CEP78: variants seen among roughly 807,000 people sequenced by gnomAD.
CEP78 encodes centrosomal protein 78, also known as centrosomal protein of 78 kDa.
CEP78 carries 76 observed loss-of-function variants against 81.2 expected under a neutral mutation model. The ratio of observed to expected loss-of-function variants is 0.94; its 90% CI spans 0.78 to 1.13. The LOEUF is 1.13. Ranked by LOEUF, CEP78 falls within the 50% of genes most tolerant of loss-of-function variation. The pLI, the probability that CEP78 is intolerant of heterozygous loss-of-function variation, is 0.00. For synonymous variants in CEP78, 293 were observed against 301.4 expected (o/e 0.97, Z 0.29); for missense variants, 918 against 846.8 (o/e 1.08, Z -1.04).
intron 11 of CEP78, 27 bp from the exon 12 acceptor site, chr9:78,262,880 A>G: frequency 7.5e-7 from 1 of 1,327,002 alleles, no homozygotes. Flanking sequence ...AATTAATTAT[A>G]ATATTTACTT....
At chr9:78,243,769 T>A (rs1826345806) in intron 5 of CEP78, 133 bp downstream of exon 5, 1 of 615,342 alleles carries the variant, frequency 1.6e-6, no homozygotes. Flanking sequence ...TATTTTGTTT[T>A]TAAGCCTTTA....
chr9:78,251,883 T>C, intron 8 of CEP78, 25 bp from the exon 9 acceptor site: 1 of 1,593,224 alleles, frequency 6.3e-7, no homozygotes, highest in Non-Finnish European at 8.6e-7. Context: ...ATCTTGATTC[T>C]TTCTTTTTAA....
chr9:78,253,334 T>C, intron 10 of CEP78, 57 bp downstream of exon 10: 1 of 802,892 alleles, frequency 1.2e-6, no homozygotes, highest in Non-Finnish European at 2.2e-6. Context: ...GGGTGGAAGA[T>C]CATTCTCTGT....
rs1563972856 is a variant in CEP78 at position 78,236,518 on chromosome 9, GC to G, written c.170del (p.Pro57LeufsTer3). Reference sequence around the variant, plus strand: ...ACCGCCTCCGCGGGGTGGACTGGGCGCCTCTGCTGAGCACCCTCAAGATCAA... The same window carrying G: ...ACCGCCTCCGCGGGGTGGACTGGGCGCTCTGCTGAGCACCCTCAAGATCAA... The part of the protein sequence containing the change: ...ADRLRGVDWA[P>X]LLSTLKINKD... On this transcript the variant is annotated frameshift_variant, in exon 1 of 17. Coordinates refer to ENST00000643273, the MANE Select transcript of CEP78 (RefSeq NM_001330691.3). LOFTEE classifies it high-confidence loss of function. 3 of 1,603,044 alleles carry G rather than the reference GC, an allele frequency of 1.9e-6. No homozygotes were observed. In the South Asian group the frequency reaches 3.4e-5, roughly 18 times the overall value.
chr9:78,242,997 A>G (rs1826304690), intron 4 of CEP78, among the ~76,000 whole-genome samples: 1 of 152,206 alleles, frequency 6.6e-6, no homozygotes, highest in Non-Finnish European at 1.5e-5. Context: ...TGTAATATAC[A>G]TAAAATATGT....
chr9:78,267,646 C>T (rs952299167), intron 16 of CEP78, among the ~76,000 whole-genome samples: 2 of 152,046 alleles, frequency 1.3e-5, no homozygotes, highest in African/African-American at 4.8e-5. Context: ...AATGAGCTAT[C>T]CTGTTTCACT....
intron 11 of CEP78, among the ~76,000 whole-genome samples, chr9:78,255,416 T>C (rs1007184539): frequency 6.6e-6 from 1 of 152,158 alleles, no homozygotes; most frequent in Non-Finnish European, 1.5e-5. Flanking sequence ...ATCCTTTTTT[T>C]ATATACTTAC....
intron 11 of CEP78, 28 bp from the exon 12 acceptor site, chr9:78,262,879 T>C (rs762157338): frequency 3.8e-6 from 5 of 1,319,828 alleles, no homozygotes; most frequent in Non-Finnish European, 3.1e-6. Context: ...GAATTAATTA[T>C]AATATTTACT....
chr9:78,241,792 T>A lies in CEP78; in HGVS notation c.596T>A (p.Ile199Asn). 1.3e-6 allele frequency: 2 copies of A among 1,565,324 alleles called. No individual in the cohort carries two copies. Among genetic ancestry groups the A allele is most frequent in the East Asian group, 4.5e-5 (2 of 44,574 alleles). Residue 199 changes from isoleucine to asparagine, a missense_variant, in exon 4 of 17, where the codon ATC becomes AAC. Physicochemically the swap from Ile to Asn is moderately radical, Grantham distance 149. Coordinates refer to ENST00000643273, the MANE Select transcript of CEP78 (RefSeq NM_001330691.3). ...CAGGGAGCAGATCACATGGCCAAGA[T>A]CTTAAAGGTAACTTTATGTTCCAAC... ...TWQGADHMAK[I>N]LKYQTMRRHE... is the part of the protein sequence containing the mutation.
At chr9:78,265,605 A>G (rs1443380463) in intron 14 of CEP78, 62 bp downstream of exon 14, 8 of 1,414,756 alleles carry the variant, frequency 5.7e-6, no homozygotes, top group Non-Finnish European at 7.7e-6. Flanking sequence ...GGAATTACTA[A>G]GTCAGAGAGA....
Position 78,236,611 on chromosome 9 carries a change from G to A in CEP78, c.253+8G>A, listed in dbSNP as rs13292584. ...CCTGGCTGGGGGACACAGGTTTGTA[G>A]TTCCCGCCTCCAGGGCCCCTCAGTC... On this transcript the variant is annotated splice_region_variant and intron_variant, in intron 1 of 16. Transcript: ENST00000643273. 0.37 allele frequency: 558,042 copies of A among 1,523,010 alleles called. 104,533 individuals carry two copies. The highest frequency in any genetic ancestry group is 0.4 in the Middle Eastern group (2,235 of 5,632). 94.3% of individuals were successfully genotyped at this position (1,523,010 alleles called of 1,614,324 possible). A position where few individuals can be genotyped will look rare whatever the true frequency, so the allele number is the denominator to read the frequency against.
At chr9:78,268,442 C>T (rs1393284076) in intron 16 of CEP78, among the ~76,000 whole-genome samples, 1 of 152,100 alleles carries the variant, frequency 6.6e-6, no homozygotes, top group Non-Finnish European at 1.5e-5. Context: ...TCTTTTTCTT[C>T]AGTAAATAAT....
chr9:78,263,321 ACTAT>A (rs1827363369), intron 12 of CEP78, among the ~76,000 whole-genome samples: 1 of 152,138 alleles, frequency 6.6e-6, no homozygotes, highest in Non-Finnish European at 1.5e-5. Context: ...TGGGGATGAG[ACTAT>A]CTACTGAAGG....
chr9:78,238,753 CA>C (rs1355046695), intron 1 of CEP78, among the ~76,000 whole-genome samples: 1 of 152,036 alleles, frequency 6.6e-6, no homozygotes, highest in African/African-American at 2.4e-5. Context: ...TTTAGTTAAC[CA>C]AAATAATATC....
Position 78,248,355 on chromosome 9 carries a change from G to C in CEP78, c.957G>C (p.Glu319Asp). 6.4e-7 allele frequency: 1 copy of C among 1,550,574 alleles called. No homozygotes were observed. ...VLQNGRSAKS[E>D]YQWITSPSVK... is the part of the protein sequence containing the mutation. ...AGAATGGAAGGAGTGCCAAATCAGA[G>C]GTATATCATGTTTTATTTCTCCAGA... The change falls in exon 7 of 17, where the codon GAG becomes GAC. Residue 319 changes from glutamate (E) to aspartate (D), a missense_variant and splice_region_variant. Coordinates refer to ENST00000643273, the MANE Select transcript of CEP78 (RefSeq NM_001330691.3).
At chr9:78,262,773 A>G in intron 11 of CEP78, 134 bp from the exon 12 acceptor site, 1 of 495,460 alleles carries the variant, frequency 2.0e-6, no homozygotes, top group Middle Eastern at 5.5e-4. Context: ...TTATACAAGC[A>G]GTAGGCTATA....
rs757126335 is a variant in CEP78 at position 78,240,188 on chromosome 9, T to C, written c.419T>C (p.Leu140Pro). The change falls in exon 2 of 17, where the codon CTA becomes CCA. Residue 140 changes from leucine (L) to proline (P), a missense_variant. By Grantham distance (98) the Leu-to-Pro change is moderately conservative. Coordinates refer to ENST00000643273, the MANE Select transcript of CEP78 (RefSeq NM_001330691.3). ...CTGAGAGAGAGGGATTTAACTATTC[T>C]AGCAAAGGTAAGCTTTGTCTCATTT... is the stretch of plus-strand genomic sequence containing the variant. The part of the protein sequence containing the change: ...LILRERDLTI[L>P]AKGLNKSASL... The C allele has an allele frequency of 6.2e-6, 10 of 1,605,920 alleles. No homozygotes were observed. Among genetic ancestry groups the C allele is most frequent in the East Asian group, 2.2e-5 (1 of 44,814 alleles).
Position 78,236,584 on chromosome 9 carries a change from G to A in CEP78, c.234G>A (p.Gln78=), listed in dbSNP as rs201790064. 5.8e-6 allele frequency: 9 copies of A among 1,549,798 alleles called. No individual in the cohort carries two copies. The highest frequency in any genetic ancestry group is 1.2e-5 in the South Asian group (1 of 80,714). ...TGGTCTCCATCAAGAGCTTCTTCCA[G>A]CCCTGGCTGGGGGACACAGGTTTGT... ...LPLVSIKSFF[Q]PWLGDTGSDM... The change falls in exon 1 of 17, where the codon CAG becomes CAA. Residue 78 remains glutamine, a synonymous_variant. Coordinates refer to ENST00000643273, the MANE Select transcript of CEP78 (RefSeq NM_001330691.3).
chr9:78,279,064 C>T lies in CEP78; in HGVS notation c.*8213C>T, dbSNP rs1384274909. 1 of 81,500 alleles carries T rather than the reference C, an allele frequency of 1.2e-5. No homozygotes were observed. The allele number at this position is 81,500 out of a possible 1,614,324, so 5.0% of individuals were successfully genotyped here. ...TTTGTACATTTTAAACCACTGTGAA[C>T]TGAAAAAAAAAAAAAAGGCAACCTT... On this transcript the variant is annotated 3_prime_UTR_variant, in exon 17 of 17. Transcript: ENST00000643273.
Sources: gnomAD v4.1 joint callset for allele counts (sites outside exome capture counted in the v4.1 genomes callset) on GRCh38, gnomAD v4.1.1 for gene constraint, MANE v1.5 for transcripts, NCBI Gene and HGNC (gene_info 2026-07-23, HGNC 2026-07-21) for gene names.